Variants in DCC observed in about 807,000 individuals in gnomAD.
The protein encoded by DCC is netrin receptor DCC.
A neutral mutation model predicts 172.5 loss-of-function variants in DCC; 58 were observed. The ratio of observed to expected loss-of-function variants is 0.34; its 90% confidence interval spans 0.27 to 0.42. The LOEUF is 0.42. Among genes scored for constraint, DCC ranks in the 10% least tolerant of loss-of-function variants. The pLI, the probability that DCC is intolerant of heterozygous loss-of-function variation, is 1.00. For synonymous variants in DCC, 709 were observed against 644.5 expected (o/e 1.10, Z -1.52); for missense variants, 1,740 against 1,791.0 (o/e 0.97, Z 0.51).
intron 5 of DCC, among the ~76,000 whole-genome samples, chr18:52,977,393 A>C (rs1214623598): frequency 6.6e-6 from 1 of 152,168 alleles, no homozygotes; most frequent in Non-Finnish European, 1.5e-5. Context: ...ACATTTAAAA[A>C]GATCCCAGGG....
chr18:53,006,353 C>T (rs1231524575), intron 5 of DCC, among the ~76,000 whole-genome samples: 2 of 152,130 alleles, frequency 1.3e-5, no homozygotes, highest in Non-Finnish European at 2.9e-5. Flanking sequence ...TCATCTCAAA[C>T]CCATTCCTCT....
intron 15 of DCC, among the ~76,000 whole-genome samples, chr18:53,350,270 G>A (rs8094117): frequency 3.3e-5 from 5 of 152,120 alleles, no homozygotes; most frequent in South Asian, 2.1e-4. Context: ...AAGATGTATC[G>A]GGAATTAAGT....
At chr18:53,373,605 T>C (rs2058081456) in intron 15 of DCC, among the ~76,000 whole-genome samples, 1 of 152,210 alleles carries the variant, frequency 6.6e-6, no homozygotes, top group African/African-American at 2.4e-5. Context: ...AGGTTAAAAA[T>C]GAGTTCAGTT....
At chr18:53,490,513 A>T (rs1161763054) in intron 26 of DCC, among the ~76,000 whole-genome samples, 2 of 152,188 alleles carry the variant, frequency 1.3e-5, no homozygotes, top group Admixed American at 1.3e-4. Flanking sequence ...GTGTAATGGT[A>T]TGCTATTTGT....
intron 5 of DCC, among the ~76,000 whole-genome samples, chr18:53,033,568 A>G (rs1435367926): frequency 1.3e-5 from 2 of 152,068 alleles, no homozygotes; most frequent in Admixed American, 6.6e-5. Context: ...CAGCCTCTCT[A>G]TCAATGCACA....
chr18:53,085,608 A>C (rs2042867143), intron 7 of DCC, among the ~76,000 whole-genome samples: 1 of 152,140 alleles, frequency 6.6e-6, no homozygotes, highest in Non-Finnish European at 1.5e-5. Context: ...CAAAGGGAGA[A>C]GCCATTAAAA....
At chr18:53,188,313 A>G (rs563042812) in intron 9 of DCC, among the ~76,000 whole-genome samples, 92 of 152,344 alleles carry the variant, frequency 6.0e-4, no homozygotes, top group Middle Eastern at 3.4e-3. Context: ...TGGGCTTACA[A>G]TAATGGCAGT....
chr18:52,481,746 G>A (rs1027206992), intron 1 of DCC, among the ~76,000 whole-genome samples: 5 of 152,006 alleles, frequency 3.3e-5, no homozygotes, highest in African/African-American at 1.2e-4. Flanking sequence ...ACTGTCTGCT[G>A]TGTATGTTGC....
intron 1 of DCC, among the ~76,000 whole-genome samples, chr18:52,478,139 A>G (rs1209080435): frequency 6.6e-6 from 1 of 152,110 alleles, no homozygotes; most frequent in Non-Finnish European, 1.5e-5. Flanking sequence ...CTGGGTTACA[A>G]TCCTACATTT....
intron 2 of DCC, among the ~76,000 whole-genome samples, chr18:52,869,306 C>A (rs2039280440): frequency 6.6e-6 from 1 of 152,196 alleles, no homozygotes; most frequent in African/African-American, 2.4e-5. Flanking sequence ...CTCTTTGTAG[C>A]CAGGGTGTCC....
chr18:52,580,373 C>G (rs948447399), intron 1 of DCC, among the ~76,000 whole-genome samples: 1 of 152,236 alleles, frequency 6.6e-6, no homozygotes, highest in Admixed American at 6.5e-5. Context: ...TTAGAGACTT[C>G]TGGATAAGAG....
intron 1 of DCC, among the ~76,000 whole-genome samples, chr18:52,597,691 A>C (rs2144810479): frequency 6.6e-6 from 1 of 152,346 alleles, no homozygotes; most frequent in East Asian, 1.9e-4. Flanking sequence ...GAAACTGTGC[A>C]GCTCTCCTAC....
At chr18:52,641,538 C>A (rs75246097) in intron 1 of DCC, among the ~76,000 whole-genome samples, 1,802 of 151,876 alleles carry the variant, frequency 0.012, 35 homozygotes, top group African/African-American at 0.041. Context: ...ACAATCTCAT[C>A]AAAAAGTGGG....
intron 27 of DCC, among the ~76,000 whole-genome samples, chr18:53,514,221 A>G (rs2046303060): frequency 6.6e-6 from 1 of 152,068 alleles, no homozygotes. Context: ...TAACGAAATG[A>G]AGGCAGAAAT....
chr18:52,450,619 A>G (rs540071907), intron 1 of DCC, among the ~76,000 whole-genome samples: 1 of 152,346 alleles, frequency 6.6e-6, no homozygotes, highest in South Asian at 2.1e-4. Flanking sequence ...AGTCCAAATT[A>G]CATATGATTA....
chr18:53,369,221 C>A (rs72927295), intron 15 of DCC, among the ~76,000 whole-genome samples: 19,995 of 151,580 alleles, frequency 0.13, 1,462 homozygotes, highest in East Asian at 0.21. Flanking sequence ...TTTGTAATTT[C>A]TTTTTCAGAT....
intron 1 of DCC, among the ~76,000 whole-genome samples, chr18:52,627,417 C>A (rs933987918): frequency 3.3e-5 from 5 of 152,184 alleles, no homozygotes; most frequent in Non-Finnish European, 7.3e-5. Flanking sequence ...GACATCAACA[C>A]TGCCTTCAAG....
intron 2 of DCC, among the ~76,000 whole-genome samples, chr18:52,883,510 G>A (rs544775307): frequency 6.6e-6 from 1 of 151,572 alleles, no homozygotes; most frequent in Non-Finnish European, 1.5e-5. Context: ...CATGAGGCTT[G>A]CAAAGACTAT....
chr18:53,493,890 G>T (rs573203929), intron 26 of DCC, among the ~76,000 whole-genome samples: 2 of 152,068 alleles, frequency 1.3e-5, no homozygotes, highest in South Asian at 2.1e-4. Context: ...GTTTGCTCTT[G>T]CTTCTCTAGT....
Sources: allele counts gnomAD v4.1 joint callset (sites outside exome capture counted in the v4.1 genomes callset), GRCh38; gene constraint gnomAD v4.1.1; transcripts MANE v1.5; gene names NCBI Gene and HGNC (gene_info 2026-07-23, HGNC 2026-07-21).